CDYL: variants seen among roughly 807,000 people sequenced by gnomAD.
CDYL encodes chromodomain Y-like protein.
Under a neutral mutation model 47.3 loss-of-function variants are expected in CDYL, and 8 were observed. That is an observed-to-expected ratio of 0.17 (90% confidence interval 0.10 to 0.31). The LOEUF is 0.31. Among genes scored for constraint, CDYL ranks in the 10% least tolerant of loss-of-function variants. The pLI, the probability that CDYL is intolerant of heterozygous loss-of-function variation, is 1.00. For missense variants in CDYL, 471 were observed against 701.4 expected (o/e 0.67, Z 3.71); for synonymous variants, 266 against 265.0 (o/e 1.00, Z -0.04).
intron 3 of CDYL, among the ~76,000 whole-genome samples, chr6:4,739,964 G>GA (rs529839283): frequency 9.5e-4 from 137 of 143,944 alleles, no homozygotes; most frequent in Non-Finnish European, 1.6e-3. Context: ...AAAACAAAAA[G>GA]AAAAAAAAAA....
At chr6:4,950,648 A>G (rs1291131036) in intron 5 of CDYL, among the ~76,000 whole-genome samples, 2 of 152,112 alleles carry the variant, frequency 1.3e-5, no homozygotes, top group East Asian at 3.9e-4. Context: ...ACTCTTCAAA[A>G]ACTCATGACT....
chr6:4,809,182 AG>A (rs1268769751), intron 1 of CDYL, among the ~76,000 whole-genome samples: 1 of 152,224 alleles, frequency 6.6e-6, no homozygotes, highest in Non-Finnish European at 1.5e-5. Context: ...AAAAAAGAGC[AG>A]GTAGTATGGT....
At chr6:4,723,793 G>C (rs555280264) in intron 2 of CDYL, among the ~76,000 whole-genome samples, 3 of 152,198 alleles carry the variant, frequency 2.0e-5, no homozygotes, top group Non-Finnish European at 2.9e-5. Flanking sequence ...AAAAATCTAA[G>C]GGAAACATCA....
chr6:4,882,569 G>C (rs768917191), intron 1 of CDYL, among the ~76,000 whole-genome samples: 1 of 152,182 alleles, frequency 6.6e-6, no homozygotes, highest in Non-Finnish European at 1.5e-5. Context: ...CTGAATGTTG[G>C]CTGGTTCTTT....
chr6:4,751,153 C>A (rs1388139467), intron 3 of CDYL, among the ~76,000 whole-genome samples: 4 of 152,132 alleles, frequency 2.6e-5, no homozygotes, highest in Non-Finnish European at 4.4e-5. Flanking sequence ...CTGCGCCTGG[C>A]CAAAATACTC....
chr6:4,767,350 G>A (rs1303400779), intron 3 of CDYL, among the ~76,000 whole-genome samples: 1 of 152,074 alleles, frequency 6.6e-6, no homozygotes, highest in African/African-American at 2.4e-5. Context: ...TGAGGCAGGT[G>A]GATCACGAGC....
intron 2 of CDYL, among the ~76,000 whole-genome samples, chr6:4,925,638 G>A (rs971102795): frequency 5.3e-5 from 8 of 151,828 alleles, no homozygotes; most frequent in Non-Finnish European, 1.2e-4. Flanking sequence ...GGATGGTCTC[G>A]ATCTCCTGCC....
chr6:4,909,663 G>A (rs1258712963), intron 2 of CDYL, among the ~76,000 whole-genome samples: 7 of 151,830 alleles, frequency 4.6e-5, no homozygotes, highest in African/African-American at 1.2e-4. Flanking sequence ...TCCGCCTCCC[G>A]TCTTCATGCC....
chr6:4,780,988 C>T (rs1158552091), intron 1 of CDYL, among the ~76,000 whole-genome samples: 1 of 151,984 alleles, frequency 6.6e-6, no homozygotes, highest in Admixed American at 6.5e-5. Context: ...TCCTTTTTTC[C>T]TCAGTAGATG....
intron 2 of CDYL, among the ~76,000 whole-genome samples, chr6:4,905,365 T>TGGGTGCCTGC (rs112269843): frequency 3.9e-5 from 6 of 152,176 alleles, no homozygotes; most frequent in Non-Finnish European, 8.8e-5. Context: ...GATGTGCCTG[T>TGGGTGCCTGC]GGGTGCCTGC....
chr6:4,791,226 A>G (rs1424109181), intron 1 of CDYL, among the ~76,000 whole-genome samples: 1 of 152,242 alleles, frequency 6.6e-6, no homozygotes, highest in East Asian at 1.9e-4. Context: ...AACCGATTCC[A>G]TAGGCTCAGA....
At chr6:4,932,497 A>AGACACAGGCATTT (rs1160988070) in intron 2 of CDYL, among the ~76,000 whole-genome samples, 1 of 152,004 alleles carries the variant, frequency 6.6e-6, no homozygotes, top group Admixed American at 6.5e-5. Context: ...AATTTGGGTG[A>AGACACAGGCATTT]GACACAGGCA....
At chr6:4,820,276 A>G (rs1401826560) in intron 1 of CDYL, among the ~76,000 whole-genome samples, 1 of 152,160 alleles carries the variant, frequency 6.6e-6, no homozygotes, top group Non-Finnish European at 1.5e-5. Flanking sequence ...TACCTCTGTG[A>G]CTTGAAAGTG....
intron 3 of CDYL, among the ~76,000 whole-genome samples, chr6:4,745,099 G>C (rs1032478480): frequency 2.0e-5 from 3 of 152,164 alleles, no homozygotes; most frequent in Non-Finnish European, 1.5e-5. Flanking sequence ...CGAGTAGCTA[G>C]TACTACAGGC....
intron 1 of CDYL, among the ~76,000 whole-genome samples, chr6:4,867,583 G>GT (rs911604609): frequency 5.9e-5 from 9 of 152,050 alleles, no homozygotes; most frequent in African/African-American, 2.2e-4. Flanking sequence ...TGGTTATGTG[G>GT]TTTTTCTCCT....
At chr6:4,740,905 G>C (rs1757785285) in intron 3 of CDYL, among the ~76,000 whole-genome samples, 1 of 151,784 alleles carries the variant, frequency 6.6e-6, no homozygotes, top group African/African-American at 2.4e-5. Context: ...TCCTGCCTCA[G>C]CCTCTGGAGT....
At chr6:4,895,067 ATATG>A (rs1256049018) in intron 2 of CDYL, among the ~76,000 whole-genome samples, 887 of 85,600 alleles carry the variant, frequency 0.01, 5 homozygotes, top group Middle Eastern at 0.028. Context: ...ATATGGGTAT[ATATG>A]TATCTATATG....
chr6:4,773,846 T>C (rs1370131305), upstream of CDYL, among the ~76,000 whole-genome samples: 1 of 152,192 alleles, frequency 6.6e-6, no homozygotes, highest in African/African-American at 2.4e-5. This position sits in a 1 kb window ranked among gnomAD's most constrained non-coding sequence, Gnocchi z 4.6. Context: ...CATTCCAGAT[T>C]GTCAAGATTG....
At chr6:4,925,414 T>TC (rs1220298623) in intron 2 of CDYL, among the ~76,000 whole-genome samples, 18 of 138,244 alleles carry the variant, frequency 1.3e-4, no homozygotes, top group East Asian at 8.1e-4. Context: ...TTTTTCTTTT[T>TC]TTTTTTTTTT....
Sources: gnomAD v4.1 joint callset for allele counts (sites outside exome capture counted in the v4.1 genomes callset) on GRCh38, gnomAD v4.1.1 for gene constraint, Gnocchi (gnomAD v3.1) non-coding constraint, MANE v1.5 for transcripts, NCBI Gene and HGNC (gene_info 2026-07-23, HGNC 2026-07-21) for gene names.